Variants in PCDH7 observed in about 807,000 individuals in gnomAD.
PCDH7 encodes protocadherin-7.
Under a neutral mutation model 58.9 loss-of-function variants are expected in PCDH7, and 17 were observed. That is an observed-to-expected ratio of 0.29 (90% CI 0.20 to 0.43). The LOEUF (loss-of-function observed/expected upper bound fraction) is 0.43. Among genes scored for constraint, PCDH7 ranks in the 20% least tolerant of loss-of-function variants. PCDH7 has a pLI of 1.00. For synonymous variants in PCDH7, 664 were observed against 616.4 expected, an observed-to-expected ratio of 1.08 and a Z score of -1.14; for missense variants, 1,274 against 1,441.0, an observed-to-expected ratio of 0.88 and a Z score of 1.88.
downstream of PCDH7, chr4:31,144,285 G>T (rs1007260464): frequency 6.6e-6 from 1 of 152,192 alleles, no homozygotes; most frequent in African/African-American, 2.4e-5. Flanking sequence ...GAACATGAAA[G>T]AAAGGAGTTT....
intron 2 of PCDH7, among the ~76,000 whole-genome samples, chr4:30,948,495 T>C (rs775621868): frequency 1.3e-5 from 2 of 152,134 alleles, no homozygotes; most frequent in Non-Finnish European, 2.9e-5. Context: ...TTTATTTTAC[T>C]GAAATGCAGA....
intron 3 of PCDH7, among the ~76,000 whole-genome samples, chr4:31,113,387 T>C (rs1365797539): frequency 6.6e-6 from 1 of 152,206 alleles, no homozygotes; most frequent in Non-Finnish European, 1.5e-5. Flanking sequence ...TTTGCTGTAT[T>C]TTAATTGTGG....
intron 1 of PCDH7, among the ~76,000 whole-genome samples, chr4:30,830,704 T>C (rs1277454894): frequency 6.6e-6 from 1 of 152,118 alleles, no homozygotes; most frequent in Non-Finnish European, 1.5e-5. Flanking sequence ...TCTTTGCTTT[T>C]AGTTAGCTTG....
intron 3 of PCDH7, among the ~76,000 whole-genome samples, chr4:30,956,427 T>G (rs939270420): frequency 6.6e-6 from 1 of 152,208 alleles, no homozygotes; most frequent in Non-Finnish European, 1.5e-5. Context: ...GTGCTTTATA[T>G]TATCAAAGCT....
chr4:30,869,928 C>T (rs1249950267), intron 1 of PCDH7, among the ~76,000 whole-genome samples: 1 of 152,198 alleles, frequency 6.6e-6, no homozygotes, highest in East Asian at 1.9e-4. Context: ...TATTTCTCCA[C>T]ATCCTCTCCA....
intron 1 of PCDH7, among the ~76,000 whole-genome samples, chr4:30,743,020 G>A (rs1717284797): frequency 6.6e-6 from 1 of 151,944 alleles, no homozygotes; most frequent in Admixed American, 6.6e-5. Context: ...TACTCTCTGG[G>A]AAATGTAAGA....
chr4:30,852,037 G>A (rs767532519), intron 1 of PCDH7, among the ~76,000 whole-genome samples: 2 of 151,982 alleles, frequency 1.3e-5, no homozygotes, highest in African/African-American at 2.4e-5. Flanking sequence ...TATGTAGAAG[G>A]TACCATTTAA....
At chr4:30,902,678 TG>T (rs1740382984) in intron 1 of PCDH7, among the ~76,000 whole-genome samples, 1 of 151,908 alleles carries the variant, frequency 6.6e-6, no homozygotes, top group Non-Finnish European at 1.5e-5. Flanking sequence ...TATAAACTTT[TG>T]TGGAAAAAAA....
chr4:30,937,471 G>A (rs1478818278), intron 2 of PCDH7, among the ~76,000 whole-genome samples: 1 of 151,932 alleles, frequency 6.6e-6, no homozygotes, highest in Non-Finnish European at 1.5e-5. Context: ...TGCCTCCCTA[G>A]GGAATATTTA....
intron 3 of PCDH7, among the ~76,000 whole-genome samples, chr4:30,964,681 T>G (rs1033590899): frequency 6.6e-6 from 1 of 151,966 alleles, no homozygotes; most frequent in Non-Finnish European, 1.5e-5. Context: ...TTCAGAGCTT[T>G]GGACAACAGA....
intron 1 of PCDH7, among the ~76,000 whole-genome samples, chr4:30,784,336 G>T (rs1723144288): frequency 6.6e-6 from 1 of 152,030 alleles, no homozygotes; most frequent in Non-Finnish European, 1.5e-5. Context: ...TATTTCTTTT[G>T]GCTTTAGTGA....
chr4:30,920,468 A>G (rs908595208), intron 2 of PCDH7, 99 bp downstream of exon 2: 12 of 629,188 alleles, frequency 1.9e-5, no homozygotes, highest in Non-Finnish European at 2.4e-5. Context: ...AATAGCTGAC[A>G]TTAAAACCAT....
intron 1 of PCDH7, chr4:30,730,636 A>C (rs1715347687): frequency 1.5e-6 from 1 of 687,522 alleles, no homozygotes; most frequent in Non-Finnish European, 2.4e-6. Flanking sequence ...TTGGCATTAA[A>C]ATTTTTCTTA....
At chr4:30,971,031 C>T (rs1361139328) in intron 3 of PCDH7, among the ~76,000 whole-genome samples, 1 of 152,154 alleles carries the variant, frequency 6.6e-6, no homozygotes, top group Non-Finnish European at 1.5e-5. Flanking sequence ...TCAGGTTAGC[C>T]AAATACAGAA....
intron 1 of PCDH7, among the ~76,000 whole-genome samples, chr4:30,896,975 G>T (rs1274536893): frequency 5.9e-5 from 8 of 136,110 alleles, no homozygotes; most frequent in African/African-American, 2.3e-4. Context: ...CAGGATCTCG[G>T]CTCACTGCAA....
chr4:31,046,418 T>A (rs1347599956), intron 3 of PCDH7, among the ~76,000 whole-genome samples: 1 of 152,008 alleles, frequency 6.6e-6, no homozygotes, highest in Non-Finnish European at 1.5e-5. Context: ...GAGTTATATA[T>A]GTAAAATACT....
chr4:30,912,085 A>T (rs1425344016), intron 1 of PCDH7, among the ~76,000 whole-genome samples: 1 of 152,164 alleles, frequency 6.6e-6, no homozygotes, highest in Non-Finnish European at 1.5e-5. Context: ...TTAATTAATG[A>T]ATCCAAATGT....
At chr4:30,922,492 A>C (rs1743304278) in intron 2 of PCDH7, among the ~76,000 whole-genome samples, 1 of 152,126 alleles carries the variant, frequency 6.6e-6, no homozygotes, top group Non-Finnish European at 1.5e-5. Flanking sequence ...TAAAATAAGA[A>C]AGAAATGATG....
At chr4:30,814,059 A>G (rs1727350691) in intron 1 of PCDH7, among the ~76,000 whole-genome samples, 1 of 152,108 alleles carries the variant, frequency 6.6e-6, no homozygotes, top group Non-Finnish European at 1.5e-5. Context: ...TTATATTTTG[A>G]TAAGCAAATG....
Sources: gnomAD v4.1 joint callset for allele counts (sites outside exome capture counted in the v4.1 genomes callset) on GRCh38, gnomAD v4.1.1 for gene constraint, MANE v1.5 for transcripts, NCBI Gene and HGNC (gene_info 2026-07-23, HGNC 2026-07-21) for gene names.